Variants in RSBN1L observed in about 807,000 individuals in gnomAD.
The protein encoded by RSBN1L is lysine-specific demethylase RSBN1L.
A neutral mutation model predicts 67.7 loss-of-function variants in RSBN1L; 30 were observed. The ratio of observed to expected loss-of-function variants is 0.44; its 90% CI spans 0.33 to 0.60. The LOEUF (loss-of-function observed/expected upper bound fraction) is 0.60, where lower values mean the gene tolerates loss of function less well. Ranked by LOEUF, RSBN1L falls within the 20% of genes least tolerant of loss-of-function variation. RSBN1L has a pLI of 0.02. For missense variants in RSBN1L, 992 were observed against 1,031.7 expected (o/e 0.96, Z 0.53); for synonymous variants, 433 against 387.0 (o/e 1.12, Z -1.39).
At chr7:77,771,325 A>G (rs1041155787) in intron 5 of RSBN1L, among the ~76,000 whole-genome samples, 1 of 152,190 alleles carries the variant, frequency 6.6e-6, no homozygotes, top group Non-Finnish European at 1.5e-5. Flanking sequence ...GTTAAAAAGA[A>G]AACAGGGAAA....
At chr7:77,755,374 C>G (rs1307068476) in intron 3 of RSBN1L, among the ~76,000 whole-genome samples, 1 of 152,056 alleles carries the variant, frequency 6.6e-6, no homozygotes, top group Non-Finnish European at 1.5e-5. Flanking sequence ...ATTTAAAACT[C>G]TGATAAGCAG....
chr7:77,759,071 T>C (rs996851839), intron 3 of RSBN1L, among the ~76,000 whole-genome samples: 11 of 152,352 alleles, frequency 7.2e-5, no homozygotes, highest in African/African-American at 1.4e-4. Context: ...ATGAAACTTA[T>C]TAAATCTGAT....
rs746018845 is a variant in RSBN1L at position 77,696,497 on chromosome 7, T to G, written c.28T>G (p.Cys10Gly). The G allele has an allele frequency of 1.2e-5, 19 of 1,613,114 alleles. No individual in the cohort carries two copies. The highest frequency in any genetic ancestry group is 9.3e-5 in the African/African-American group (7 of 74,920). Residue 10 changes from cysteine (C) to glycine (G), a missense_variant, in exon 1 of 8, where the codon TGT becomes GGT. Physicochemically the swap from Cys to Gly is radical, Grantham distance 159. Coordinates refer to ENST00000334955, the MANE Select transcript of RSBN1L (RefSeq NM_198467.3). MAEPPSPVH[C>G]VAAAAPTATV... ...GGCGGAACCGCCGAGCCCCGTGCAC[T>G]GTGTCGCTGCCGCGGCCCCCACCGC...
chr7:77,761,712 A>G (rs74865726), intron 3 of RSBN1L, among the ~76,000 whole-genome samples: 4,132 of 152,290 alleles, frequency 0.027, 194 homozygotes, highest in African/African-American at 0.094. Flanking sequence ...TGCCATGTTT[A>G]TAACATTTAA....
At chr7:77,708,195 A>G (rs1331701562) in intron 1 of RSBN1L, among the ~76,000 whole-genome samples, 1 of 152,046 alleles carries the variant, frequency 6.6e-6, no homozygotes, top group African/African-American at 2.4e-5. Context: ...TGATGGAGAC[A>G]GGCTTGTTTG....
chr7:77,777,396 ATTCCTTT>A (rs1791932011), intron 6 of RSBN1L, among the ~76,000 whole-genome samples: 1 of 151,640 alleles, frequency 6.6e-6, no homozygotes, highest in African/African-American at 2.4e-5. Context: ...GCCTGAAGAA[ATTCCTTT>A]AGCAGTCTTT....
At position 77,766,567 on chromosome 7, in the gene RSBN1L, T is replaced by C. The variant is rs1443461002; in HGVS notation, c.1482+935T>C. Reference sequence around the variant, plus strand: ...CTTGATTTTCAAAAAGTATTTCTTATTGTGAGGTGCTAGGGCTATCCCACT... The same window carrying C: ...CTTGATTTTCAAAAAGTATTTCTTACTGTGAGGTGCTAGGGCTATCCCACT... On this transcript the variant is annotated intron_variant, in intron 4 of 7. Transcript: ENST00000334955. Among the ~76,000 whole-genome samples the C allele has an allele frequency of 5.9e-5, 9 of 152,154 alleles. No individual in the cohort carries two copies. In the South Asian group the frequency reaches 6.2e-4, roughly 11 times the overall value.
At chr7:77,757,705 C>T (rs1010532961) in intron 3 of RSBN1L, among the ~76,000 whole-genome samples, 9 of 152,196 alleles carry the variant, frequency 5.9e-5, no homozygotes, top group Admixed American at 5.2e-4. Flanking sequence ...TCTTGGGACA[C>T]CTCACTTATA....
In RSBN1L at chr7:77,775,618, C is replaced by A. The variant is rs573263382; in HGVS notation, c.1793+2304C>A. On this transcript the variant is annotated intron_variant, in intron 6 of 7. Transcript: ENST00000334955. ...GTTTCCAATATTTGAGGATTTTTTT[C>A]CAGATTTTTGTTTTGGTGTTTTTCA... is the stretch of plus-strand genomic sequence containing the variant. 1.2e-4 allele frequency among the ~76,000 whole-genome samples: 19 copies of A among 152,010 alleles called. 2 individuals carry two copies. In the South Asian group the frequency reaches 1.9e-3, roughly 15 times the overall value.
intron 2 of RSBN1L, among the ~76,000 whole-genome samples, chr7:77,743,125 C>T (rs961919616): frequency 6.6e-6 from 1 of 151,922 alleles, no homozygotes. Flanking sequence ...TGATCACAGG[C>T]CACTGCAGCC....
In RSBN1L at chr7:77,780,589, A is replaced by C. The variant is rs942996989; in HGVS notation, c.*1421A>C. On this transcript the variant is annotated 3_prime_UTR_variant, in exon 8 of 8. Coordinates refer to ENST00000334955, the MANE Select transcript of RSBN1L (RefSeq NM_198467.3). ...TTTTACATTTTTCTTGCAGAATGGG[A>C]GAAAAATATGGCAAATACAAAACTG... is the stretch of plus-strand genomic sequence containing the variant. 7.9e-5 allele frequency: 12 copies of C among 152,214 alleles called. No individual in the cohort carries two copies. The highest frequency in any genetic ancestry group is 1.5e-4 in the Non-Finnish European group (10 of 68,042). 9.4% of individuals were successfully genotyped at this position (152,214 alleles called of 1,614,324 possible). A position where few individuals can be genotyped will look rare whatever the true frequency, so the allele number is the denominator to read the frequency against.
intron 2 of RSBN1L, among the ~76,000 whole-genome samples, chr7:77,737,429 T>C (rs1791352075): frequency 6.6e-6 from 1 of 152,240 alleles, no homozygotes; most frequent in South Asian, 2.1e-4. Flanking sequence ...GTTTATATTA[T>C]CTAAGATAAA....
chr7:77,696,661 G>GAAC lies in RSBN1L; in HGVS notation c.194_196dup (p.Asn65dup). On this transcript the variant is annotated inframe_insertion, in exon 1 of 8. Transcript: ENST00000334955. The stretch of plus-strand genomic sequence containing the variant: ...TGAACGGAGAAGGGGGCAGCGGCGG[G>GAAC]AACAGCAGGCAGCTGCAGCCGCCGG... 6.2e-7 allele frequency: 1 copy of GAAC among 1,612,200 alleles called. No individual in the cohort carries two copies.
At chr7:77,742,180 A>T (rs35572845) in intron 2 of RSBN1L, among the ~76,000 whole-genome samples, 9 of 82,168 alleles carry the variant, frequency 1.1e-4, no homozygotes, top group Admixed American at 1.2e-4. Context: ...AAAAAAAAAA[A>T]ATACACACAC....
chr7:77,755,767 C>T (rs535226464), intron 3 of RSBN1L, among the ~76,000 whole-genome samples: 29 of 152,274 alleles, frequency 1.9e-4, no homozygotes, highest in African/African-American at 6.3e-4. Context: ...GCCGCTTGAC[C>T]TAACTATGAA....
At chr7:77,716,139 T>C (rs1440857143) in intron 1 of RSBN1L, among the ~76,000 whole-genome samples, 2 of 152,160 alleles carry the variant, frequency 1.3e-5, no homozygotes, top group Non-Finnish European at 2.9e-5. Flanking sequence ...TTTGCATCTT[T>C]TGTTTCTTAA....
intron 5 of RSBN1L, among the ~76,000 whole-genome samples, 187 bp from the exon 6 acceptor site, chr7:77,772,960 T>C (rs1006515407): frequency 7.2e-5 from 11 of 152,180 alleles, no homozygotes; most frequent in African/African-American, 2.7e-4. Flanking sequence ...ACTGTTCCTG[T>C]TGTGAAGGTA....
chr7:77,700,070 C>G (rs1314910057), intron 1 of RSBN1L, among the ~76,000 whole-genome samples: 1 of 152,178 alleles, frequency 6.6e-6, no homozygotes, highest in African/African-American at 2.4e-5. Flanking sequence ...GCTGAGATTA[C>G]AGGCGTGAGC....
intron 6 of RSBN1L, among the ~76,000 whole-genome samples, chr7:77,776,194 A>G (rs1397879460): frequency 2.0e-5 from 3 of 152,152 alleles, no homozygotes; most frequent in African/African-American, 7.2e-5. Context: ...GTTAATTTGC[A>G]ACTTTAATAT....
Sources: allele counts gnomAD v4.1 joint callset (sites outside exome capture counted in the v4.1 genomes callset), GRCh38; gene constraint gnomAD v4.1.1; transcripts MANE v1.5; gene names NCBI Gene and HGNC (gene_info 2026-07-23, HGNC 2026-07-21).